SMIM36: variants seen among roughly 807,000 people sequenced by gnomAD.
The protein encoded by SMIM36 is small integral membrane protein 36.
intron 4 of SMIM36, among the ~76,000 whole-genome samples, chr17:55,464,068 T>C (rs1047032222): frequency 7.3e-5 from 11 of 151,520 alleles, no homozygotes; most frequent in African/African-American, 2.7e-4. Context: ...TGATCTGAGA[T>C]CACGCCACTG....
At chr17:55,492,687 A>G (rs187597933) in intron 1 of SMIM36, among the ~76,000 whole-genome samples, 55 of 152,264 alleles carry the variant, frequency 3.6e-4, no homozygotes, top group Admixed American at 8.5e-4. Flanking sequence ...AACATCTTAT[A>G]AAAAGGTTTT....
intron 4 of SMIM36, among the ~76,000 whole-genome samples, chr17:55,464,372 G>C (rs1909199652): frequency 6.6e-6 from 1 of 152,042 alleles, no homozygotes; most frequent in Admixed American, 6.5e-5. Context: ...ACTTGTCTAG[G>C]GTCAGTTCCC....
At chr17:55,491,932 G>GTA (rs1909713256) in intron 1 of SMIM36, among the ~76,000 whole-genome samples, 1 of 152,064 alleles carries the variant, frequency 6.6e-6, no homozygotes, top group Non-Finnish European at 1.5e-5. Context: ...GGCCGAGGTG[G>GTA]GGGAATCACG....
the SMIM36 span, among the ~76,000 whole-genome samples, chr17:55,517,152 C>T: frequency 6.6e-6 from 1 of 152,168 alleles, no homozygotes; most frequent in Admixed American, 6.5e-5. Flanking sequence ...AGAAAGGTAG[C>T]TAACTGGAGA....
At chr17:55,450,319 A>C (rs1166657352) in intron 4 of SMIM36, 21 bp from the exon 5 acceptor site, 1 of 152,224 alleles carries the variant, frequency 6.6e-6, no homozygotes, top group African/African-American at 2.4e-5. Context: ...AAAGAAAAAA[A>C]ATTTCTGTTG....
the SMIM36 span, among the ~76,000 whole-genome samples, chr17:55,525,785 G>A: frequency 6.6e-6 from 1 of 152,062 alleles, no homozygotes; most frequent in African/African-American, 2.4e-5. Context: ...AGCCTCCTGA[G>A]TAGATGGGTC....
chr17:55,522,009 C>T, the SMIM36 span, among the ~76,000 whole-genome samples: 1 of 152,130 alleles, frequency 6.6e-6, no homozygotes, highest in Non-Finnish European at 1.5e-5. Context: ...CCATGTTATT[C>T]CTTTGCTCAA....
chr17:55,512,258 G>A (rs371245663), upstream of SMIM36, among the ~76,000 whole-genome samples: 64 of 152,300 alleles, frequency 4.2e-4, no homozygotes, highest in African/African-American at 1.4e-3. Context: ...AAGGAGCCTG[G>A]AAAATTGCAA....
intron 4 of SMIM36, among the ~76,000 whole-genome samples, chr17:55,450,630 A>G (rs1908894840): frequency 6.6e-6 from 1 of 152,182 alleles, no homozygotes; most frequent in Non-Finnish European, 1.5e-5. Context: ...CCAGACGTGG[A>G]ACCCGGGTGC....
intron 1 of SMIM36, among the ~76,000 whole-genome samples, chr17:55,493,879 CAGAA>C (rs1909762071): frequency 6.8e-6 from 1 of 147,590 alleles, no homozygotes; most frequent in African/African-American, 2.5e-5. Context: ...GGCAGAGAGA[CAGAA>C]GGACTAATCT....
At position 55,492,383 on chromosome 17, in the gene SMIM36, C is replaced by T. The variant is rs1312892886; in HGVS notation, c.*175-12803G>A. Among the ~76,000 whole-genome samples, 2 of 150,876 alleles carry T rather than the reference C, an allele frequency of 1.3e-5. 1 individual carries two copies. Among genetic ancestry groups the T allele is most frequent in the Non-Finnish European group, 3.0e-5 (2 of 67,750 alleles). Reference sequence around the variant, plus strand: ...TCAGCCTCCTGAGTAGCTGGGACTACAGGCTTGCGCCACCAAGCCTGGCTA... The same window carrying T: ...TCAGCCTCCTGAGTAGCTGGGACTATAGGCTTGCGCCACCAAGCCTGGCTA... On this transcript the variant is annotated intron_variant, in intron 1 of 4. Coordinates refer to ENST00000636752, the Ensembl canonical transcript of SMIM36.
chr17:55,471,358 T>C (rs1909339188), intron 3 of SMIM36, among the ~76,000 whole-genome samples: 1 of 152,100 alleles, frequency 6.6e-6, no homozygotes, highest in African/African-American at 2.4e-5. Flanking sequence ...CTGTCCTGCT[T>C]CTTCAACATC....
intron 4 of SMIM36, 85 bp from the exon 5 acceptor site, chr17:55,450,383 C>T (rs979000561): frequency 1.3e-5 from 2 of 152,224 alleles, no homozygotes; most frequent in Admixed American, 1.3e-4. Context: ...TGAAAACTAA[C>T]AGCATATCTA....
chr17:55,525,645 A>G, the SMIM36 span, among the ~76,000 whole-genome samples: 5 of 152,164 alleles, frequency 3.3e-5, no homozygotes, highest in African/African-American at 9.7e-5. Flanking sequence ...GTACATAATG[A>G]AAGTGTGATA....
At chr17:55,501,996 G>C (rs879918400) in intron 1 of SMIM36, among the ~76,000 whole-genome samples, 2 of 131,426 alleles carry the variant, frequency 1.5e-5, no homozygotes, top group African/African-American at 5.8e-5. Flanking sequence ...ACTCCCACCC[G>C]AATATTGCGC....
chr17:55,515,084 G>GTTTT (rs1567874075), upstream of SMIM36, among the ~76,000 whole-genome samples: 113 of 56,130 alleles, frequency 2.0e-3, 12 homozygotes, highest in Middle Eastern at 0.012. Context: ...TTCTAGTCTA[G>GTTTT]TGTTTTTTTT....
At chr17:55,467,626 G>T (rs1169416385) in intron 3 of SMIM36, among the ~76,000 whole-genome samples, 3 of 152,114 alleles carry the variant, frequency 2.0e-5, no homozygotes, top group Non-Finnish European at 4.4e-5. Flanking sequence ...TCGATCTCCT[G>T]ACCTCGTGAT....
chr17:55,471,381 G>T (rs1188808808), intron 3 of SMIM36, among the ~76,000 whole-genome samples: 1 of 152,034 alleles, frequency 6.6e-6, no homozygotes, highest in African/African-American at 2.4e-5. Flanking sequence ...TACTCAAAGG[G>T]GTACTGAGTA....
chr17:55,468,251 G>A (rs1458181345), intron 3 of SMIM36: 1 of 152,428 alleles, frequency 6.6e-6, no homozygotes, highest in Non-Finnish European at 1.5e-5. Flanking sequence ...ACTCCGTGAG[G>A]AGATCCACCT....
Sources: gnomAD v4.1 joint callset for allele counts (sites outside exome capture counted in the v4.1 genomes callset) on GRCh38, gnomAD v4.1.1 for gene constraint, MANE v1.5 for transcripts, NCBI Gene and HGNC (gene_info 2026-07-23, HGNC 2026-07-21) for gene names.